Variants in FARS2 observed in about 807,000 individuals in gnomAD.
FARS2 encodes phenylalanine--tRNA ligase, mitochondrial.
A neutral mutation model predicts 46.4 loss-of-function variants in FARS2; 40 were observed. The observed-to-expected ratio is 0.86, with a 90% CI of 0.67 to 1.12. The LOEUF is 1.12. Among genes scored for constraint, FARS2 ranks in the 50% most tolerant of loss-of-function variants. FARS2 has a pLI of 0.00. For missense variants in FARS2, 513 were observed against 567.9 expected (o/e 0.90, Z 0.98); for synonymous variants, 234 against 214.9 (o/e 1.09, Z -0.78).
At chr6:5,385,937 G>A (rs927822615) in intron 2 of FARS2, among the ~76,000 whole-genome samples, 1 of 152,140 alleles carries the variant, frequency 6.6e-6, no homozygotes, top group Non-Finnish European at 1.5e-5. Flanking sequence ...TGGTTGAACC[G>A]AGTTGGATAT....
At position 5,346,477 on chromosome 6, in the gene FARS2, TCCCCTGAGG is replaced by T. The variant is rs1757236210; in HGVS notation, c.-21-22072_-21-22064del. On this transcript the variant is annotated intron_variant, in intron 1 of 6. Transcript: ENST00000274680. ...CTGTTTCACTTTCAGCCCCTGAGCATCCCCTGAGGTATCCATAGAGCCCCATGATTTGAA... is the reference window on the plus strand; with the variant it reads ...CTGTTTCACTTTCAGCCCCTGAGCATTATCCATAGAGCCCCATGATTTGAA... Among the ~76,000 whole-genome samples the T allele has an allele frequency of 2.0e-5, 3 of 152,170 alleles. No individual in the cohort carries two copies. The South Asian group carries it at 6.2e-4, about 32-fold the overall frequency.
intron 5 of FARS2, chr6:5,609,903 A>G: frequency 9.6e-7 from 1 of 1,037,740 alleles, no homozygotes; most frequent in Non-Finnish European, 1.5e-6. Context: ...TTAAGTGGGC[A>G]TCTGGTGTTT....
intron 1 of FARS2, among the ~76,000 whole-genome samples, chr6:5,273,376 C>T (rs4530910): frequency 0.77 from 116,879 of 152,104 alleles, 45,030 homozygotes; most frequent in East Asian, 0.84. Context: ...GGTTAGATGA[C>T]ATCTCATTGT....
intron 1 of FARS2, among the ~76,000 whole-genome samples, chr6:5,303,528 TCCTGCCCTCCCTCTGAG>T (rs1768475937): frequency 6.6e-6 from 1 of 152,046 alleles, no homozygotes; most frequent in Non-Finnish European, 1.5e-5. Flanking sequence ...GGAGAGCCGC[TCCTGCCCTCCCTCTGAG>T]CCTGCCCTCC....
chr6:5,481,572 A>G (rs1292959116), intron 4 of FARS2, among the ~76,000 whole-genome samples: 1 of 151,876 alleles, frequency 6.6e-6, no homozygotes, highest in Non-Finnish European at 1.5e-5. Context: ...CATTAAGTTG[A>G]CTCTTTGAAA....
chr6:5,425,796 A>G (rs1443326873), intron 3 of FARS2, among the ~76,000 whole-genome samples: 2 of 152,200 alleles, frequency 1.3e-5, no homozygotes, highest in African/African-American at 4.8e-5. Context: ...CAAACTCAAC[A>G]TCCTTATTCA....
chr6:5,392,480 G>A (rs1000181692), intron 2 of FARS2, among the ~76,000 whole-genome samples: 3 of 151,990 alleles, frequency 2.0e-5, no homozygotes, highest in Non-Finnish European at 2.9e-5. Context: ...TTTGCTTAGC[G>A]CTATTCTAAG....
chr6:5,346,062 C>T (rs1358628868), intron 1 of FARS2, among the ~76,000 whole-genome samples: 1 of 152,172 alleles, frequency 6.6e-6, no homozygotes, highest in South Asian at 2.1e-4. Context: ...GGCGTCCTGT[C>T]CACCTCACCC....
intron 4 of FARS2, among the ~76,000 whole-genome samples, chr6:5,490,332 G>C (rs1426253327): frequency 6.6e-6 from 1 of 152,188 alleles, no homozygotes; most frequent in Non-Finnish European, 1.5e-5. Context: ...GTTTGGGGCT[G>C]TTGTGTATTA....
intron 5 of FARS2, among the ~76,000 whole-genome samples, chr6:5,576,949 C>T (rs1035191532): frequency 4.6e-5 from 7 of 151,698 alleles, no homozygotes; most frequent in Non-Finnish European, 5.9e-5. Context: ...CTCTGTATTT[C>T]CTGAGGGTGT....
chr6:5,329,761 A>T (rs1367274974), intron 1 of FARS2, among the ~76,000 whole-genome samples: 7 of 152,224 alleles, frequency 4.6e-5, no homozygotes, highest in Non-Finnish European at 8.8e-5. Context: ...GAGGAGATAC[A>T]CAGGGTGAAG....
intron 3 of FARS2, among the ~76,000 whole-genome samples, chr6:5,421,126 T>C (rs1182964156): frequency 6.6e-6 from 1 of 152,216 alleles, no homozygotes; most frequent in African/African-American, 2.4e-5. Context: ...GAAATCTAGG[T>C]GGAGGTTCCC....
At chr6:5,677,824 G>C (rs1305429670) in intron 6 of FARS2, among the ~76,000 whole-genome samples, 1 of 152,154 alleles carries the variant, frequency 6.6e-6, no homozygotes, top group Non-Finnish European at 1.5e-5. Flanking sequence ...AAATTCCTGA[G>C]GGTAGGAATT....
At position 5,471,982 on chromosome 6, in the gene FARS2, C is replaced by T. The variant is rs1435232183; in HGVS notation, c.904+40810C>T. ...AACAAGTGGAATTCAGAATAGTCCC[C>T]CAGCTCCTTATCCCACATGGAGTTT... On this transcript the variant is annotated intron_variant, in intron 4 of 6. Coordinates refer to ENST00000274680, the MANE Select transcript of FARS2 (RefSeq NM_006567.5). The surrounding 1 kb of genome is among the most constrained non-coding windows in gnomAD (Gnocchi z 4.1). Among the ~76,000 whole-genome samples the T allele has an allele frequency of 1.3e-5, 2 of 152,228 alleles. No individual in the cohort carries two copies. Among genetic ancestry groups the T allele is most frequent in the African/African-American group, 4.8e-5 (2 of 41,464 alleles).
intron 6 of FARS2, among the ~76,000 whole-genome samples, chr6:5,620,356 G>A (rs547880375): frequency 2.0e-5 from 3 of 152,140 alleles, no homozygotes; most frequent in Non-Finnish European, 2.9e-5. Flanking sequence ...TCATAAAATT[G>A]TACTTCATTT....
At chr6:5,378,461 T>G (rs1759530243) in intron 2 of FARS2, among the ~76,000 whole-genome samples, 1 of 152,236 alleles carries the variant, frequency 6.6e-6, no homozygotes, top group Admixed American at 6.5e-5. Context: ...CTCTCCCACT[T>G]TCCAGATGGT....
intron 6 of FARS2, among the ~76,000 whole-genome samples, chr6:5,662,764 G>C (rs1777909280): frequency 6.6e-6 from 1 of 152,186 alleles, no homozygotes; most frequent in East Asian, 1.9e-4. Flanking sequence ...AAGATTCTCA[G>C]ATCAGATCCC....
At chr6:5,448,609 T>C (rs1322453079) in intron 4 of FARS2, among the ~76,000 whole-genome samples, 2 of 152,208 alleles carry the variant, frequency 1.3e-5, no homozygotes, top group African/African-American at 4.8e-5. Context: ...TTGATGGGCA[T>C]TTTGTGTGTT....
At chr6:5,533,219 C>T (rs1769976495) in intron 4 of FARS2, among the ~76,000 whole-genome samples, 1 of 152,142 alleles carries the variant, frequency 6.6e-6, no homozygotes, top group South Asian at 2.1e-4. Flanking sequence ...ATAGAATATT[C>T]ACTTGTTTCT....
Sources: gnomAD v4.1 joint callset for allele counts (sites outside exome capture counted in the v4.1 genomes callset) on GRCh38, gnomAD v4.1.1 for gene constraint, Gnocchi (gnomAD v3.1) non-coding constraint, MANE v1.5 for transcripts, NCBI Gene and HGNC (gene_info 2026-07-23, HGNC 2026-07-21) for gene names.